The following EDN1 variants were observed in gnomAD, a reference collection of about 807,000 sequenced individuals.
EDN1 encodes the protein endothelin 1.
A neutral mutation model predicts 21.7 loss-of-function variants in EDN1; 11 were observed. The ratio of observed to expected loss-of-function variants is 0.51; its 90% CI spans 0.32 to 0.84. EDN1 has a LOEUF of 0.84. Among genes scored for constraint, EDN1 ranks in the 40% least tolerant of loss-of-function variants. The probability of loss-of-function intolerance (pLI) is 0.03; values close to 1 mark genes in which losing one functional copy is unlikely to be tolerated. For missense variants in EDN1, 244 were observed against 262.3 expected (o/e 0.93, Z 0.48); for synonymous variants, 85 against 90.6 (o/e 0.94, Z 0.35).
At chr6:12,255,152 A>G in the EDN1 span, among the ~76,000 whole-genome samples, 2 of 152,206 alleles carry the variant, frequency 1.3e-5, no homozygotes, top group Admixed American at 1.3e-4. Flanking sequence ...AATAAATAAC[A>G]AACACAAAAC....
chr6:12,246,083 T>C, the EDN1 span, among the ~76,000 whole-genome samples: 2 of 152,172 alleles, frequency 1.3e-5, no homozygotes, highest in African/African-American at 4.8e-5. Flanking sequence ...GAACAGCTGC[T>C]TTCCTCCCTC....
At chr6:12,293,463 T>C (rs1407616914) in intron 2 of EDN1, among the ~76,000 whole-genome samples, 1 of 152,066 alleles carries the variant, frequency 6.6e-6, no homozygotes, top group Non-Finnish European at 1.5e-5. Context: ...CTGGGGTCGG[T>C]GGGGTGACGG....
At chr6:12,240,949 A>C in the EDN1 span, among the ~76,000 whole-genome samples, 1 of 152,146 alleles carries the variant, frequency 6.6e-6, no homozygotes, top group Non-Finnish European at 1.5e-5. Context: ...TGGAACATCA[A>C]GGTAGAAAGC....
At chr6:12,288,288 C>G (rs1017173828), upstream of EDN1, among the ~76,000 whole-genome samples, 1 of 151,742 alleles carries the variant, frequency 6.6e-6, no homozygotes, top group Non-Finnish European at 1.5e-5. Flanking sequence ...ATTTCCCAGG[C>G]CACCTTTCTT....
rs10478695 is a variant in EDN1, at chr6:12,290,701, C to T, written c.64+8C>T. On this transcript the variant is annotated splice_region_variant and intron_variant, in intron 1 of 4. Coordinates refer to ENST00000379375, the MANE Select transcript of EDN1 (RefSeq NM_001955.5). ...AAGGAGCTCCAGAAACAGGTAGGCACGCTCGTTGACTTGTAAGTCTCGGAA... is the reference window on the plus strand; with the variant it reads ...AAGGAGCTCCAGAAACAGGTAGGCATGCTCGTTGACTTGTAAGTCTCGGAA... 1.1e-4 allele frequency: 184 copies of T among 1,611,320 alleles called. No individual in the cohort carries two copies. In the African/African-American group the frequency reaches 2.3e-3, roughly 20 times the overall value.
chr6:12,278,285 C>G, the EDN1 span, among the ~76,000 whole-genome samples: 1 of 152,122 alleles, frequency 6.6e-6, no homozygotes, highest in Admixed American at 6.5e-5. Flanking sequence ...ATTGAATATT[C>G]TTCCCAGATT....
chr6:12,273,070 T>G, the EDN1 span, among the ~76,000 whole-genome samples: 1 of 152,186 alleles, frequency 6.6e-6, no homozygotes, highest in African/African-American at 2.4e-5. Context: ...TTGTGACGAC[T>G]CTACAGACTT....
chr6:12,245,872 C>T, the EDN1 span, among the ~76,000 whole-genome samples: 1 of 152,260 alleles, frequency 6.6e-6, no homozygotes, highest in African/African-American at 2.4e-5. Flanking sequence ...AAGTATCATC[C>T]TCTTGTCTTG....
the EDN1 span, among the ~76,000 whole-genome samples, chr6:12,250,609 T>G: frequency 1.3e-5 from 2 of 152,178 alleles, no homozygotes; most frequent in African/African-American, 4.8e-5. Flanking sequence ...TTCATGCCTA[T>G]ATCTGAGCAA....
chr6:12,236,232 T>G, the EDN1 span, among the ~76,000 whole-genome samples: 333 of 152,300 alleles, frequency 2.2e-3, 2 homozygotes, highest in African/African-American at 7.4e-3. Flanking sequence ...TAGAATAAAT[T>G]TGAATGTACA....
chr6:12,237,438 A>T, the EDN1 span, among the ~76,000 whole-genome samples: 9 of 152,260 alleles, frequency 5.9e-5, no homozygotes, highest in Admixed American at 5.9e-4. Flanking sequence ...AAAAAGTCTT[A>T]CAAAATTGTA....
the EDN1 span, among the ~76,000 whole-genome samples, chr6:12,244,818 A>ACCCCCTGAGAGCCCC: frequency 6.6e-6 from 1 of 152,200 alleles, no homozygotes; most frequent in Non-Finnish European, 1.5e-5. Flanking sequence ...GGGTCCACAG[A>ACCCCCTGAGAGCCCC]CCACACTTTG....
chr6:12,287,682 T>C (rs1392858311), upstream of EDN1, among the ~76,000 whole-genome samples: 2 of 128,016 alleles, frequency 1.6e-5, no homozygotes, highest in African/African-American at 6.4e-5. Flanking sequence ...TATCTCTCTC[T>C]CTCTCCCTCT....
the EDN1 span, among the ~76,000 whole-genome samples, chr6:12,262,820 C>G: frequency 6.7e-6 from 1 of 149,186 alleles, no homozygotes; most frequent in African/African-American, 2.5e-5. Context: ...TGCAGTGAGC[C>G]GAGATTGCGC....
At position 12,295,058 on chromosome 6, in the gene EDN1, C is replaced by T. The variant is rs574853627; in HGVS notation, c.533+654C>T. On this transcript the variant is annotated intron_variant, in intron 4 of 4. Transcript: ENST00000379375. ...TGGATTAGGCAACATCATAGAGTTG[C>T]TCTGAGCTGCTCTTTGGTGATAACC... 2.0e-3 allele frequency among the ~76,000 whole-genome samples: 298 copies of T among 151,382 alleles called. 6 individuals carry two copies. In the South Asian group the frequency reaches 0.025, roughly 12 times the overall value.
chr6:12,267,567 A>G, the EDN1 span, among the ~76,000 whole-genome samples: 10 of 152,364 alleles, frequency 6.6e-5, 1 homozygote, highest in South Asian at 2.1e-3. Flanking sequence ...GCTGCAGAAG[A>G]CAAGTTTGAC....
chr6:12,253,435 A>T, the EDN1 span, among the ~76,000 whole-genome samples: 7 of 152,242 alleles, frequency 4.6e-5, no homozygotes, highest in Non-Finnish European at 2.9e-5. Flanking sequence ...TAAACAAGAT[A>T]CAAAAAATGC....
At chr6:12,289,427 C>A (rs114831334), upstream of EDN1, among the ~76,000 whole-genome samples, 1 of 152,244 alleles carries the variant, frequency 6.6e-6, no homozygotes, top group African/African-American at 2.4e-5. Flanking sequence ...CCCTCCTCGG[C>A]CCCCAAGCCA....
intron 4 of EDN1, 149 bp downstream of exon 4, chr6:12,294,553 T>C (rs935803588): frequency 1.1e-6 from 1 of 892,866 alleles, no homozygotes; most frequent in South Asian, 1.5e-5. Context: ...ATGCATCCTA[T>C]AGATTAAAAG....
Sources: gnomAD v4.1 joint callset for allele counts (sites outside exome capture counted in the v4.1 genomes callset) on GRCh38, gnomAD v4.1.1 for gene constraint, MANE v1.5 for transcripts, NCBI Gene and HGNC (gene_info 2026-07-23, HGNC 2026-07-21) for gene names.